ZBTB20: variants seen among roughly 807,000 people sequenced by gnomAD.
ZBTB20 encodes the protein zinc finger and BTB domain containing 20, also known as zinc finger and BTB domain-containing protein 20.
A neutral mutation model predicts 56.9 loss-of-function variants in ZBTB20; 9 were observed. The ratio of observed to expected loss-of-function variants is 0.16; its 90% CI spans 0.10 to 0.28. The LOEUF (loss-of-function observed/expected upper bound fraction) is 0.28, where lower values mean the gene tolerates loss of function less well. ZBTB20 is among the 10% of genes least tolerant of loss of function. The pLI is 1.00. For synonymous variants in ZBTB20, 417 were observed against 420.7 expected (o/e 0.99, Z 0.11); for missense variants, 655 against 1,003.0 (o/e 0.65, Z 4.69).
intron 4 of ZBTB20, among the ~76,000 whole-genome samples, chr3:114,876,124 T>G (rs1329113332): frequency 4.6e-5 from 7 of 151,232 alleles, no homozygotes; most frequent in South Asian, 2.1e-4. Flanking sequence ...GTAGTTTGTT[T>G]TTTTTTTTTT....
chr3:114,362,037 T>C (rs2081945080), intron 10 of ZBTB20, among the ~76,000 whole-genome samples: 1 of 152,156 alleles, frequency 6.6e-6, no homozygotes, highest in Non-Finnish European at 1.5e-5. Flanking sequence ...TAATGAGTCT[T>C]GTACCAATCT....
intron 4 of ZBTB20, among the ~76,000 whole-genome samples, chr3:114,822,876 TTA>T (rs570223602): frequency 6.6e-6 from 1 of 152,090 alleles, no homozygotes; most frequent in Non-Finnish European, 1.5e-5. Context: ...TTCAGTCAAA[TTA>T]TATGACTAGG....
At chr3:114,396,162 A>T (rs922775487) in intron 7 of ZBTB20, among the ~76,000 whole-genome samples, 3 of 152,206 alleles carry the variant, frequency 2.0e-5, no homozygotes, top group Non-Finnish European at 4.4e-5. Flanking sequence ...TAAACTTTGT[A>T]ATGAGAATTC....
At chr3:114,937,738 A>G (rs1480426429) in intron 3 of ZBTB20, among the ~76,000 whole-genome samples, 1 of 152,040 alleles carries the variant, frequency 6.6e-6, no homozygotes, top group African/African-American at 2.4e-5. Flanking sequence ...TCTTCCTTTG[A>G]GCAGTGTCTG....
intron 7 of ZBTB20, among the ~76,000 whole-genome samples, chr3:114,470,576 TA>T: frequency 6.6e-6 from 1 of 152,290 alleles, no homozygotes; most frequent in South Asian, 2.1e-4. Flanking sequence ...ATCTTCATAA[TA>T]AGTCTACAAG....
intron 6 of ZBTB20, among the ~76,000 whole-genome samples, chr3:114,630,460 T>C (rs1226196688): frequency 1.3e-5 from 2 of 152,188 alleles, no homozygotes; most frequent in South Asian, 2.1e-4. Context: ...AATGTGTGTG[T>C]ACACATGTGT....
intron 10 of ZBTB20, among the ~76,000 whole-genome samples, chr3:114,377,579 C>T (rs371279431): frequency 6.6e-6 from 1 of 152,038 alleles, no homozygotes; most frequent in African/African-American, 2.4e-5. Flanking sequence ...TCTTTTGTGG[C>T]GATGCTTTAT....
At chr3:114,522,385 G>C (rs187321115) in intron 6 of ZBTB20, among the ~76,000 whole-genome samples, 1 of 152,262 alleles carries the variant, frequency 6.6e-6, no homozygotes, top group East Asian at 1.9e-4. Context: ...TGAAGACAGA[G>C]AGGTAATGGG....
intron 7 of ZBTB20, among the ~76,000 whole-genome samples, chr3:114,391,481 A>G (rs1223626534): frequency 6.6e-6 from 1 of 152,176 alleles, no homozygotes. Context: ...CACAAAGGAG[A>G]GTGCCCTTCT....
chr3:114,882,819 G>T (rs1353137941), intron 4 of ZBTB20, among the ~76,000 whole-genome samples: 1 of 152,070 alleles, frequency 6.6e-6, no homozygotes, highest in Admixed American at 6.5e-5. Flanking sequence ...AGTCGGTAAA[G>T]ACATACTTTT....
At chr3:114,982,924 T>C (rs957012532) in intron 2 of ZBTB20, among the ~76,000 whole-genome samples, 1 of 151,988 alleles carries the variant, frequency 6.6e-6, no homozygotes, top group Non-Finnish European at 1.5e-5. Flanking sequence ...AAAGTATGCC[T>C]GGAATAAAAT....
Position 114,380,759 on chromosome 3 carries a change from T to A in ZBTB20, c.11+18A>T, listed in dbSNP as rs373668915. Reference sequence around the variant, plus strand: ...GGAGTTTTAACATGGTCTGGAAAAATACTAGTGGAAGTTTTACCGTTCTAG... The same window carrying A: ...GGAGTTTTAACATGGTCTGGAAAAAAACTAGTGGAAGTTTTACCGTTCTAG... On this transcript the variant is annotated intron_variant, in intron 9 of 11. Transcript: ENST00000675478. 6.8e-4 allele frequency: 1,027 copies of A among 1,501,444 alleles called. 2 individuals carry two copies. Among genetic ancestry groups the A allele is most frequent in the Middle Eastern group, 2.4e-3 (14 of 5,822 alleles). The allele number at this position is 1,501,444 out of a possible 1,614,324, so 93.0% of individuals were successfully genotyped here.
chr3:114,512,602 T>C (rs1406230577), intron 6 of ZBTB20, among the ~76,000 whole-genome samples: 1 of 152,176 alleles, frequency 6.6e-6, no homozygotes, highest in Admixed American at 6.6e-5. Context: ...TGATCCTTTG[T>C]GAGCTATACT....
intron 1 of ZBTB20, among the ~76,000 whole-genome samples, chr3:115,073,855 T>C (rs1246346776): frequency 6.6e-6 from 1 of 151,986 alleles, no homozygotes; most frequent in Non-Finnish European, 1.5e-5. Context: ...ATCCCTACCA[T>C]TAATTACTAC....
At chr3:114,578,350 T>C (rs1026850724) in intron 6 of ZBTB20, among the ~76,000 whole-genome samples, 6 of 152,114 alleles carry the variant, frequency 3.9e-5, no homozygotes, top group Admixed American at 3.9e-4. Flanking sequence ...ATACCAATGT[T>C]TATCTTATAA....
At chr3:114,844,546 A>AAAAAAAAAC (rs2074584420) in intron 4 of ZBTB20, among the ~76,000 whole-genome samples, 1 of 140,730 alleles carries the variant, frequency 7.1e-6, no homozygotes, top group African/African-American at 2.8e-5. Context: ...AAAAAAAAAA[A>AAAAAAAAAC]AAAAAACTTT....
chr3:114,819,643 A>C (rs1286249800), intron 4 of ZBTB20, among the ~76,000 whole-genome samples: 1 of 151,940 alleles, frequency 6.6e-6, no homozygotes, highest in Admixed American at 6.6e-5. Context: ...ACATGCTAAA[A>C]TAAATTCTGG....
chr3:114,805,060 T>C (rs897454160), intron 4 of ZBTB20, among the ~76,000 whole-genome samples: 2 of 151,912 alleles, frequency 1.3e-5, no homozygotes, highest in Non-Finnish European at 2.9e-5. Context: ...AACTTTGTAT[T>C]TTGGAACAAT....
At chr3:114,761,467 A>C (rs989849498) in intron 5 of ZBTB20, among the ~76,000 whole-genome samples, 1 of 152,204 alleles carries the variant, frequency 6.6e-6, no homozygotes, top group East Asian at 1.9e-4. Flanking sequence ...GACCAGGGCA[A>C]CTAATGTCCA....
Sources: allele counts gnomAD v4.1 joint callset (sites outside exome capture counted in the v4.1 genomes callset), GRCh38; gene constraint gnomAD v4.1.1; transcripts MANE v1.5; gene names NCBI Gene and HGNC (gene_info 2026-07-23, HGNC 2026-07-21).